The following EDDM13 variants were observed in gnomAD, a reference collection of about 807,000 sequenced individuals.
EDDM13 encodes the protein epididymal protein 13.
A neutral mutation model predicts 17.8 loss-of-function variants in EDDM13; 24 were observed. The ratio of observed to expected loss-of-function variants is 1.35; its 90% CI spans 0.98 to 1.90. The LOEUF is 1.90. Among genes scored for constraint, EDDM13 ranks in the 40% most tolerant of loss-of-function variants. The pLI, the probability that EDDM13 is intolerant of heterozygous loss-of-function variation, is 0.00. For synonymous variants in EDDM13, 31 were observed against 37.5 expected (o/e 0.83, Z 0.63); for missense variants, 97 against 100.8 (o/e 0.96, Z 0.16).
chr19:56,305,014 G>A (rs1471210778), intron 14 of EDDM13, among the ~76,000 whole-genome samples, 184 bp downstream of exon 14: 1 of 152,164 alleles, frequency 6.6e-6, no homozygotes, highest in East Asian at 1.9e-4. Context: ...CTGCCTGACA[G>A]GGGCAAGGAA....
rs762851688 is a variant in EDDM13 at position 56,292,456 on chromosome 19, T to C, written c.232+1610T>C. Among the ~76,000 whole-genome samples the C allele has an allele frequency of 2.0e-5, 3 of 151,494 alleles. No individual in the cohort carries two copies. The South Asian group carries it at 6.2e-4, about 31-fold the overall frequency. ...TATTTTTGGTTTTTTTGTCTGTTTT[T>C]ACTTTTTTTTTTTTTACTTTTTTGT... is the stretch of plus-strand genomic sequence containing the variant. On this transcript the variant is annotated intron_variant, in intron 9 of 14. Transcript: ENST00000649256.
At chr19:56,297,865 C>G (rs1212351854) in intron 12 of EDDM13, 1 of 152,140 alleles carries the variant, frequency 6.6e-6, no homozygotes, top group African/African-American at 2.4e-5. Context: ...GCCGGAAAAC[C>G]AGAAAATAGC....
intron 6 of EDDM13, among the ~76,000 whole-genome samples, chr19:56,285,665 G>C (rs2147104526): frequency 6.6e-6 from 1 of 152,074 alleles, no homozygotes. Flanking sequence ...ATTTTTAGTA[G>C]AGACAGAATT....
At chr19:56,304,339 C>T (rs549650173) in intron 13 of EDDM13, among the ~76,000 whole-genome samples, 87 of 152,280 alleles carry the variant, frequency 5.7e-4, no homozygotes, top group Non-Finnish European at 9.6e-4. Context: ...GGTTCTGAAA[C>T]GGGGGTGACG....
chr19:56,301,491 C>G (rs149075955), intron 12 of EDDM13, among the ~76,000 whole-genome samples: 16 of 152,250 alleles, frequency 1.1e-4, no homozygotes, highest in African/African-American at 3.9e-4. Context: ...ATCTTGGTTT[C>G]GGTGGGTTTT....
At position 56,308,512 on chromosome 19, in the gene EDDM13, T is replaced by C. The variant is rs1244401169; in HGVS notation, c.462-1612T>C. ...CTAATTTTTGTATTTTTAGTAGAGA[T>C]GAAGTTTCACCATGTTGTCCAGGCT... On this transcript the variant is annotated intron_variant, in intron 14 of 14. Coordinates refer to ENST00000649256, the MANE Select transcript of EDDM13 (RefSeq NM_001354658.2). 4.6e-5 allele frequency among the ~76,000 whole-genome samples: 7 copies of C among 151,286 alleles called. No individual in the cohort carries two copies. In the East Asian group the frequency reaches 1.2e-3, roughly 25 times the overall value.
chr19:56,304,130 A>C (rs1480542684), intron 13 of EDDM13, among the ~76,000 whole-genome samples: 1 of 152,072 alleles, frequency 6.6e-6, no homozygotes, highest in African/African-American at 2.4e-5. Context: ...TCAGGGCGAG[A>C]GTGGGAGCAG....
intron 1 of EDDM13, among the ~76,000 whole-genome samples, chr19:56,275,604 C>A (rs1424753285): frequency 6.6e-6 from 1 of 152,172 alleles, no homozygotes; most frequent in Admixed American, 6.5e-5. Flanking sequence ...ATTGCATTAA[C>A]AGATTATTTT....
chr19:56,280,901 A>G (rs769685549), intron 2 of EDDM13, among the ~76,000 whole-genome samples: 97 of 152,200 alleles, frequency 6.4e-4, no homozygotes, highest in Non-Finnish European at 1.0e-3. Context: ...CACTCAAACC[A>G]TAACACATAC....
chr19:56,304,790 A>C lies in EDDM13; in HGVS notation c.424-3A>C. On this transcript the variant is annotated splice_region_variant and splice_polypyrimidine_tract_variant and intron_variant, in intron 13 of 14. Coordinates refer to ENST00000649256, the MANE Select transcript of EDDM13 (RefSeq NM_001354658.2). Reference sequence around the variant, plus strand: ...TGTTCCCAGTTCACTTTTTCCTCCCAAGTGTTACTGCCACTACTGTAACTT... The same window carrying C: ...TGTTCCCAGTTCACTTTTTCCTCCCCAGTGTTACTGCCACTACTGTAACTT... 1.0e-6 allele frequency: 1 copy of C among 985,386 alleles called. No individual in the cohort carries two copies. The highest frequency in any genetic ancestry group is 1.7e-5 in the African/African-American group (1 of 57,338). The allele number at this position is 985,386 out of a possible 1,614,324, so 61.0% of individuals were successfully genotyped here.
At chr19:56,273,822 T>C (rs2038039631) in intron 1 of EDDM13, among the ~76,000 whole-genome samples, 1 of 152,086 alleles carries the variant, frequency 6.6e-6, no homozygotes, top group Admixed American at 6.5e-5. Context: ...AAAAGGAAGC[T>C]GTGAAAGGGT....
At chr19:56,298,870 A>T (rs562776753) in intron 12 of EDDM13, among the ~76,000 whole-genome samples, 1 of 152,344 alleles carries the variant, frequency 6.6e-6, no homozygotes, top group East Asian at 1.9e-4. Context: ...TTGATAAAAG[A>T]TCTGACAAAT....
chr19:56,279,976 A>T (rs1405711460), intron 2 of EDDM13, among the ~76,000 whole-genome samples: 1 of 152,176 alleles, frequency 6.6e-6, no homozygotes, highest in Non-Finnish European at 1.5e-5. Flanking sequence ...TTAAAATAAG[A>T]TTTCCAGGGT....
chr19:56,297,564 A>G (rs2039961619), intron 12 of EDDM13, 33 bp downstream of exon 12: 7 of 976,864 alleles, frequency 7.2e-6, no homozygotes, highest in African/African-American at 3.5e-5. Flanking sequence ...TTCCTCATCT[A>G]TAAGACAGTG....
At chr19:56,294,418 T>C (rs146101325) in intron 9 of EDDM13, among the ~76,000 whole-genome samples, 26 of 152,380 alleles carry the variant, frequency 1.7e-4, no homozygotes, top group African/African-American at 6.3e-4. Flanking sequence ...TCTATTTTCC[T>C]ACCTGATTAA....
intron 12 of EDDM13, among the ~76,000 whole-genome samples, chr19:56,300,451 T>C (rs997204605): frequency 3.3e-5 from 5 of 152,084 alleles, no homozygotes; most frequent in Admixed American, 1.3e-4. Flanking sequence ...TCACAGGAGG[T>C]AGATTTGCTA....
intron 12 of EDDM13, chr19:56,297,931 C>G (rs2039982766): frequency 6.6e-6 from 1 of 152,058 alleles, no homozygotes; most frequent in Non-Finnish European, 1.5e-5. Flanking sequence ...GTAGGCAGAG[C>G]CGGGCATGGT....
In EDDM13 at chr19:56,282,506, T is replaced by G. The variant is rs902370682; in HGVS notation, c.118+7T>G. ...CTGCCAACAGTGCTGAAAGGTAAGC[T>G]TCTCATTCCATCTCTTTCCCTTTGG... On this transcript the variant is annotated splice_region_variant and intron_variant, in intron 4 of 14. Coordinates refer to ENST00000649256, the MANE Select transcript of EDDM13 (RefSeq NM_001354658.2). The G allele has an allele frequency of 3.0e-6, 3 of 985,242 alleles. No individual in the cohort carries two copies. The East Asian group carries it at 3.4e-4, about 112-fold the overall frequency. The allele number at this position is 985,242 out of a possible 1,614,324, so 61.0% of individuals were successfully genotyped here. A position where few individuals can be genotyped will look rare whatever the true frequency, so the allele number is the denominator to read the frequency against.
At chr19:56,301,800 C>A in intron 12 of EDDM13, 168 bp from the exon 13 acceptor site, 1 of 667,760 alleles carries the variant, frequency 1.5e-6, no homozygotes, top group Non-Finnish European at 2.1e-6. Context: ...TGGTGGTAAC[C>A]AAGAAGGGGG....
Sources: allele counts gnomAD v4.1 joint callset (sites outside exome capture counted in the v4.1 genomes callset), GRCh38; gene constraint gnomAD v4.1.1; transcripts MANE v1.5; gene names NCBI Gene and HGNC (gene_info 2026-07-23, HGNC 2026-07-21).